The following KCTD8 variants were observed in gnomAD, a reference collection of about 807,000 sequenced individuals.
The protein encoded by KCTD8 is potassium channel tetramerization domain containing 8, also known as BTB/POZ domain-containing protein KCTD8.
A neutral mutation model predicts 31.5 loss-of-function variants in KCTD8; 27 were observed. The observed-to-expected ratio is 0.86, with a 90% CI of 0.63 to 1.18. The LOEUF (loss-of-function observed/expected upper bound fraction) is 1.18. Among genes scored for constraint, KCTD8 ranks in the 50% most tolerant of loss-of-function variants. The pLI, the probability that KCTD8 is intolerant of heterozygous loss-of-function variation, is 0.00. For missense variants in KCTD8, 658 were observed against 647.7 expected (o/e 1.02, Z -0.17); for synonymous variants, 290 against 280.0 (o/e 1.04, Z -0.36).
chr4:44,320,170 CAAAAAAA>C (rs35250421), intron 1 of KCTD8, among the ~76,000 whole-genome samples: 61 of 31,920 alleles, frequency 1.9e-3, no homozygotes, highest in African/African-American at 6.0e-3. Flanking sequence ...GCCTCCATCT[CAAAAAAA>C]AAAAAAAAAA....
chr4:44,327,687 A>G (rs956396341), intron 1 of KCTD8, among the ~76,000 whole-genome samples: 1 of 151,698 alleles, frequency 6.6e-6, no homozygotes, highest in Non-Finnish European at 1.5e-5. Flanking sequence ...AAAAAACAAA[A>G]ACCTTTTCTG....
In KCTD8 at chr4:44,448,414, CAGGG is replaced by C; in HGVS notation, c.106_109del (p.Pro36AlafsTer9). On this transcript the variant is annotated frameshift_variant, in exon 1 of 2. Transcript: ENST00000360029. LOFTEE classifies it high-confidence loss of function. The surrounding 1 kb of genome is among the most constrained non-coding windows in gnomAD (Gnocchi z 4.1). ...TACTTCAGGGAAGGGCGAGGGTGCG[CAGGG>C]CCCCGGGGCGGCGGCGGCCGACGCG... The C allele has an allele frequency of 6.4e-7, 1 of 1,572,278 alleles. No homozygotes were observed. Among genetic ancestry groups the C allele is most frequent in the Non-Finnish European group, 8.6e-7 (1 of 1,164,592 alleles).
At chr4:44,208,558 A>C (rs1264995081) in intron 1 of KCTD8, among the ~76,000 whole-genome samples, 10 of 152,288 alleles carry the variant, frequency 6.6e-5, no homozygotes, top group Non-Finnish European at 2.9e-5. Context: ...ACCAAATAAG[A>C]AGTTTGGTAT....
intron 1 of KCTD8, among the ~76,000 whole-genome samples, chr4:44,204,460 T>C (rs1714244335): frequency 6.6e-6 from 1 of 152,172 alleles, no homozygotes; most frequent in African/African-American, 2.4e-5. Flanking sequence ...TGTCCTGTTC[T>C]GTTCTGTTCT....
chr4:44,316,068 C>A (rs1037608572), intron 1 of KCTD8, among the ~76,000 whole-genome samples: 1 of 152,004 alleles, frequency 6.6e-6, no homozygotes, highest in Non-Finnish European at 1.5e-5. Context: ...CTCTTTTTCC[C>A]ATTTTTTTAT....
chr4:44,201,243 T>C (rs1247346227), intron 1 of KCTD8, among the ~76,000 whole-genome samples: 1 of 152,072 alleles, frequency 6.6e-6, no homozygotes, highest in Admixed American at 6.6e-5. Flanking sequence ...CCAAAGCAAT[T>C]TACAAATTCA....
At chr4:44,216,335 G>A (rs1194002031) in intron 1 of KCTD8, among the ~76,000 whole-genome samples, 1 of 152,044 alleles carries the variant, frequency 6.6e-6, no homozygotes. Flanking sequence ...ATTATTACTA[G>A]GTTTTGCTGG....
At chr4:44,372,050 C>A (rs80355017) in intron 1 of KCTD8, among the ~76,000 whole-genome samples, 11,796 of 152,170 alleles carry the variant, frequency 0.078, 493 homozygotes, top group South Asian at 0.11. Flanking sequence ...TTCTGAGAAG[C>A]AATGCATCTG....
Position 44,448,788 on chromosome 4 carries a change from T to G in KCTD8, c.-265A>C. 1 of 333,042 alleles carries G rather than the reference T, an allele frequency of 3.0e-6. No homozygotes were observed. The highest frequency in any genetic ancestry group is 5.4e-6 in the Non-Finnish European group (1 of 185,306). The allele number at this position is 333,042 out of a possible 1,614,324, so 20.6% of individuals were successfully genotyped here. ...AGGCAAGAAGGAGCTGCTGCTCCTTTGGGGCGAGGGCGGGGAAGTGTGAGA... is the reference window on the plus strand; with the variant it reads ...AGGCAAGAAGGAGCTGCTGCTCCTTGGGGGCGAGGGCGGGGAAGTGTGAGA... On this transcript the variant is annotated 5_prime_UTR_variant, in exon 1 of 2. Coordinates refer to ENST00000360029, the MANE Select transcript of KCTD8 (RefSeq NM_198353.3). The surrounding 1 kb of genome is among the most constrained non-coding windows in gnomAD (Gnocchi z 4.1).
At chr4:44,219,676 A>G (rs1016007536) in intron 1 of KCTD8, among the ~76,000 whole-genome samples, 2 of 152,206 alleles carry the variant, frequency 1.3e-5, no homozygotes, top group African/African-American at 4.8e-5. Flanking sequence ...CAGAACTATG[A>G]GAGAATAAAT....
At position 44,428,147 on chromosome 4, in the gene KCTD8, AT is replaced by A. The variant is rs200076718; in HGVS notation, c.961+19415del. On this transcript the variant is annotated intron_variant, in intron 1 of 1. Transcript: ENST00000360029. ...TATAAAAGAAATTCATTCTATCATA[AT>A]TTTTTTTAATATAAATACAAAATTT... Among the ~76,000 whole-genome samples the A allele has an allele frequency of 3.4e-3, 521 of 151,704 alleles. 9 individuals are homozygous for A. The highest frequency in any genetic ancestry group is 0.023 in the Admixed American group (343 of 15,168).
At chr4:44,289,571 G>A (rs569652866) in intron 1 of KCTD8, among the ~76,000 whole-genome samples, 32 of 152,256 alleles carry the variant, frequency 2.1e-4, no homozygotes, top group Middle Eastern at 3.4e-3. Flanking sequence ...ATCCTAGAAC[G>A]GCTCCTGGGG....
chr4:44,351,917 G>A (rs1719208335), intron 1 of KCTD8, among the ~76,000 whole-genome samples: 1 of 151,952 alleles, frequency 6.6e-6, no homozygotes. Flanking sequence ...AACTGTCACA[G>A]CAGGCACAGT....
At chr4:44,296,452 G>C (rs1296969705) in intron 1 of KCTD8, among the ~76,000 whole-genome samples, 3 of 151,978 alleles carry the variant, frequency 2.0e-5, no homozygotes, top group East Asian at 1.9e-4. Flanking sequence ...TTTATGAGCA[G>C]AATTGGGGAT....
intron 1 of KCTD8, among the ~76,000 whole-genome samples, chr4:44,243,971 T>A (rs1715577695): frequency 6.6e-6 from 1 of 152,194 alleles, no homozygotes. Context: ...CTTGCAGTAA[T>A]GGACTTCGGA....
At chr4:44,234,855 C>A (rs566949237) in intron 1 of KCTD8, among the ~76,000 whole-genome samples, 1 of 152,210 alleles carries the variant, frequency 6.6e-6, no homozygotes, top group East Asian at 1.9e-4. Flanking sequence ...ACAGGAAAAG[C>A]AATTTTTAAG....
chr4:44,332,679 T>G (rs1056101486), intron 1 of KCTD8, among the ~76,000 whole-genome samples: 2 of 152,006 alleles, frequency 1.3e-5, no homozygotes, highest in African/African-American at 4.8e-5. Flanking sequence ...AAATAGGTTC[T>G]TTTTCACTCT....
intron 1 of KCTD8, among the ~76,000 whole-genome samples, chr4:44,385,545 A>G (rs1720189143): frequency 1.3e-5 from 2 of 151,668 alleles, no homozygotes; most frequent in Admixed American, 1.3e-4. Context: ...ACATATAAAA[A>G]TTATCTCAAA....
At chr4:44,315,090 C>T (rs1478604918) in intron 1 of KCTD8, among the ~76,000 whole-genome samples, 3 of 151,644 alleles carry the variant, frequency 2.0e-5, no homozygotes, top group Non-Finnish European at 4.4e-5. Context: ...CCCTCATCTC[C>T]CTTTCCCTCC....
Sources: allele counts gnomAD v4.1 joint callset (sites outside exome capture counted in the v4.1 genomes callset), GRCh38; gene constraint gnomAD v4.1.1; non-coding constraint Gnocchi (gnomAD v3.1); transcripts MANE v1.5; gene names NCBI Gene and HGNC (gene_info 2026-07-23, HGNC 2026-07-21).